Variants in BRINP3 observed in about 807,000 individuals in gnomAD.
The protein encoded by BRINP3 is BMP/retinoic acid-inducible neural-specific protein 3.
Under a neutral mutation model 71.0 loss-of-function variants are expected in BRINP3, and 19 were observed. The observed-to-expected ratio is 0.27, with a 90% confidence interval of 0.19 to 0.39. The LOEUF is 0.39. Ranked by LOEUF, BRINP3 falls within the 10% of genes least tolerant of loss-of-function variation. The pLI is 1.00. For synonymous variants in BRINP3, 380 were observed against 337.7 expected, an observed-to-expected ratio of 1.13 and a Z score of -1.37; for missense variants, 959 against 940.8, an observed-to-expected ratio of 1.02 and a Z score of -0.25.
chr1:190,418,239 A>G (rs1288560517), intron 2 of BRINP3, among the ~76,000 whole-genome samples: 1 of 152,018 alleles, frequency 6.6e-6, no homozygotes, highest in East Asian at 1.9e-4. Flanking sequence ...TTTTGTAGAG[A>G]CAGGGTTTCA....
intron 4 of BRINP3, among the ~76,000 whole-genome samples, chr1:190,246,991 C>G (rs1346984583): frequency 6.6e-6 from 1 of 151,950 alleles, no homozygotes; most frequent in East Asian, 1.9e-4. Flanking sequence ...ACCTTCTCCA[C>G]TTGCCTTTTT....
intron 3 of BRINP3, among the ~76,000 whole-genome samples, chr1:190,270,103 A>AC (rs1661978536): frequency 6.6e-6 from 1 of 151,958 alleles, no homozygotes; most frequent in Non-Finnish European, 1.5e-5. Context: ...GTTTTTTATA[A>AC]GAAAAGGGTA....
chr1:190,155,402 T>C (rs553036065), intron 7 of BRINP3, among the ~76,000 whole-genome samples: 1 of 152,252 alleles, frequency 6.6e-6, no homozygotes, highest in East Asian at 1.9e-4. Flanking sequence ...TAGATTGATA[T>C]TGACTGTGGT....
intron 7 of BRINP3, among the ~76,000 whole-genome samples, chr1:190,159,492 A>C (rs1657158159): frequency 6.6e-6 from 1 of 152,122 alleles, no homozygotes; most frequent in South Asian, 2.1e-4. Context: ...TGAACGAATA[A>C]ACAATATGTG....
At chr1:190,466,970 C>G (rs904476332) in intron 1 of BRINP3, among the ~76,000 whole-genome samples, 1 of 151,398 alleles carries the variant, frequency 6.6e-6, no homozygotes, top group African/African-American at 2.4e-5. Flanking sequence ...ACACAACGAA[C>G]ACAACAACAC....
At chr1:190,400,175 G>A (rs534797894) in intron 2 of BRINP3, among the ~76,000 whole-genome samples, 69 of 152,172 alleles carry the variant, frequency 4.5e-4, no homozygotes, top group Non-Finnish European at 6.9e-4. Context: ...AACGTTTTGC[G>A]TATCTGAATT....
At chr1:190,427,807 G>A (rs1285299836) in intron 2 of BRINP3, among the ~76,000 whole-genome samples, 1 of 151,328 alleles carries the variant, frequency 6.6e-6, no homozygotes, top group Admixed American at 6.6e-5. Context: ...TGTGTCATGG[G>A]GATTTGTTGT....
intron 2 of BRINP3, among the ~76,000 whole-genome samples, chr1:190,355,317 G>A (rs1668660608): frequency 6.6e-6 from 1 of 151,676 alleles, no homozygotes; most frequent in African/African-American, 2.4e-5. Flanking sequence ...GCCAGATTAA[G>A]GATTTATTTT....
chr1:190,153,910 T>C, intron 7 of BRINP3: 1 of 179,384 alleles, frequency 5.6e-6, no homozygotes. Context: ...CTTTTATTTG[T>C]TGGGATGCAA....
At chr1:190,467,009 GAATTGTTAT>G (rs983650084) in intron 1 of BRINP3, among the ~76,000 whole-genome samples, 15 of 151,430 alleles carry the variant, frequency 9.9e-5, no homozygotes, top group Non-Finnish European at 1.8e-4. Context: ...ATCACTCTGA[GAATTGTTAT>G]GACTATTTTC....
chr1:190,427,708 A>G (rs563699053), intron 2 of BRINP3, among the ~76,000 whole-genome samples: 14 of 152,184 alleles, frequency 9.2e-5, no homozygotes, highest in Admixed American at 2.6e-4. Flanking sequence ...CTGGTCTTCA[A>G]AACAGTAAAA....
intron 7 of BRINP3, among the ~76,000 whole-genome samples, chr1:190,151,850 A>G (rs1189218955): frequency 6.6e-6 from 1 of 152,196 alleles, no homozygotes; most frequent in Non-Finnish European, 1.5e-5. Context: ...TGAAGTTACT[A>G]CATTACAACA....
chr1:190,433,186 G>T (rs1674218311), intron 2 of BRINP3, among the ~76,000 whole-genome samples: 2 of 152,054 alleles, frequency 1.3e-5, no homozygotes, highest in Admixed American at 1.3e-4. Flanking sequence ...TGCAAATATT[G>T]CAACTGCTCT....
intron 2 of BRINP3, among the ~76,000 whole-genome samples, chr1:190,429,804 G>A (rs1371493221): frequency 2.0e-5 from 3 of 152,044 alleles, no homozygotes; most frequent in Non-Finnish European, 1.5e-5. Flanking sequence ...GGCCAGACTG[G>A]TCTCGAACTC....
At chr1:190,305,872 T>C (rs1053294209) in intron 2 of BRINP3, among the ~76,000 whole-genome samples, 6 of 151,884 alleles carry the variant, frequency 4.0e-5, no homozygotes, top group African/African-American at 1.4e-4. Flanking sequence ...TTACATAATG[T>C]GTACATATAT....
At chr1:190,199,560 T>G (rs1654801293) in intron 6 of BRINP3, among the ~76,000 whole-genome samples, 1 of 152,052 alleles carries the variant, frequency 6.6e-6, no homozygotes, top group African/African-American at 2.4e-5. Context: ...TTTATTTTTC[T>G]GTAATATTTG....
At position 190,220,639 on chromosome 1, in the gene BRINP3, T is replaced by TA. The variant is rs957435740; in HGVS notation, c.961+5442dup. Among the ~76,000 whole-genome samples, 4 of 151,800 alleles carry TA rather than the reference T, an allele frequency of 2.6e-5. No individual in the cohort carries two copies. The South Asian group carries it at 8.3e-4, about 32-fold the overall frequency. ...ATGGCATTTTCAATGTGTTCAAAGA[T>TA]AAAAAAAATTGCAACTCAAAAATAT... is the stretch of plus-strand genomic sequence containing the variant. On this transcript the variant is annotated intron_variant, in intron 6 of 7. Coordinates refer to ENST00000367462, the MANE Select transcript of BRINP3 (RefSeq NM_199051.3).
At chr1:190,325,782 A>G (rs1006507062) in intron 2 of BRINP3, among the ~76,000 whole-genome samples, 1 of 152,072 alleles carries the variant, frequency 6.6e-6, no homozygotes, top group Non-Finnish European at 1.5e-5. Context: ...ATCCAAAAAT[A>G]TTTTTATCAT....
intron 6 of BRINP3, among the ~76,000 whole-genome samples, chr1:190,197,225 T>C (rs886230712): frequency 3.3e-5 from 5 of 151,990 alleles, no homozygotes; most frequent in African/African-American, 7.2e-5. Context: ...GTCCCTCCCA[T>C]GACATGTGGG....
Sources: allele counts gnomAD v4.1 joint callset (sites outside exome capture counted in the v4.1 genomes callset), GRCh38; gene constraint gnomAD v4.1.1; transcripts MANE v1.5; gene names NCBI Gene and HGNC (gene_info 2026-07-23, HGNC 2026-07-21).